The following CLASRP variants were observed in gnomAD, a reference collection of about 807,000 sequenced individuals.
CLASRP encodes the protein CLK4-associating serine/arginine rich protein.
Under a neutral mutation model 99.9 loss-of-function variants are expected in CLASRP, and 52 were observed. That is an observed-to-expected ratio of 0.52 (90% confidence interval 0.42 to 0.66). CLASRP has a LOEUF of 0.66. Among genes scored for constraint, CLASRP ranks in the 30% least tolerant of loss-of-function variants. The probability of loss-of-function intolerance (pLI) is 0.00; values close to 1 mark genes in which losing one functional copy is unlikely to be tolerated. For synonymous variants in CLASRP, 379 were observed against 373.0 expected (o/e 1.02, Z -0.18); for missense variants, 848 against 999.2 (o/e 0.85, Z 2.04).
chr19:45,069,963 C>A, intron 18 of CLASRP, 59 bp from the exon 19 acceptor site: 1 of 951,296 alleles, frequency 1.1e-6, no homozygotes, highest in Non-Finnish European at 1.7e-6. Flanking sequence ...AGCACCTGCC[C>A]TCCCTGAGTT....
chr19:45,064,501 C>G lies in CLASRP; in HGVS notation c.1280C>G (p.Ser427Cys). 3 of 1,536,816 alleles carry G rather than the reference C, an allele frequency of 2.0e-6. No individual in the cohort carries two copies. The highest frequency in any genetic ancestry group is 2.6e-6 in the Non-Finnish European group (3 of 1,145,984). The change falls in exon 13 of 21, where the codon TCC (serine) becomes TGC (cysteine). Residue 427 changes from serine (S) to cysteine (C), a missense_variant. Ser to Cys is a moderately radical substitution (Grantham distance 112). Around this residue, in one of 8 missense-constraint regions of CLASRP, gnomAD observed 489 missense variants for 434.7 expected, o/e 1.12. Transcript: ENST00000221455. ...SRSRSWSRSR[S>C]RSRRYSRSRS... Reference sequence around the variant, plus strand: ...TCCCGCTCCTGGTCCCGCTCCCGCTCCCGCTCCCGGCGCTATTCCCGGTCC... The same window carrying G: ...TCCCGCTCCTGGTCCCGCTCCCGCTGCCGCTCCCGGCGCTATTCCCGGTCC...
In CLASRP at chr19:45,070,552, C is replaced by T; in HGVS notation, c.1973C>T (p.Ser658Phe). Residue 658 changes from serine (S) to phenylalanine (F), a missense_variant, in exon 20 of 21, where the codon TCT (serine) becomes TTT (phenylalanine). By Grantham distance (155) the Ser-to-Phe change is radical. Around this residue, in one of 8 missense-constraint regions of CLASRP, gnomAD observed 116 missense variants for 162.7 expected, o/e 0.71. Coordinates refer to ENST00000221455, the MANE Select transcript of CLASRP (RefSeq NM_007056.3). ...TTCTTTCCAGGTCGAGAATACAGCT[C>T]TTCTCGAAGGTAAGGAAGCCCATGA... is the stretch of plus-strand genomic sequence containing the variant. ...PSPRYSREYS[S>F]SRRRSRSRSR... 9 of 1,613,752 alleles carry T rather than the reference C, an allele frequency of 5.6e-6. No individual in the cohort carries two copies. The highest frequency in any genetic ancestry group is 7.6e-6 in the Non-Finnish European group (9 of 1,179,698).
Position 45,067,107 on chromosome 19 carries a change from G to A in CLASRP, c.1410-230G>A, listed in dbSNP as rs1016339000. Reference sequence around the variant, plus strand: ...GTGACGTGGGCCAGGCAGGGCTCATGATGGCAGGACTGCCCTTAGGCTGAG... The same window carrying A: ...GTGACGTGGGCCAGGCAGGGCTCATAATGGCAGGACTGCCCTTAGGCTGAG... On this transcript the variant is annotated intron_variant, in intron 13 of 20. Coordinates refer to ENST00000221455, the MANE Select transcript of CLASRP (RefSeq NM_007056.3). The surrounding 1 kb of genome is among the most constrained non-coding windows in gnomAD (Gnocchi z 4.9). Among the ~76,000 whole-genome samples the A allele has an allele frequency of 2.0e-5, 3 of 152,238 alleles. No individual in the cohort carries two copies. The highest frequency in any genetic ancestry group is 7.2e-5 in the African/African-American group (3 of 41,460).
chr19:45,064,320 G>A (rs770050005), intron 12 of CLASRP, 23 bp from the exon 13 acceptor site: 6 of 1,516,158 alleles, frequency 4.0e-6, no homozygotes, highest in African/African-American at 2.8e-5. Flanking sequence ...TGCGCTGACC[G>A]GCCCTCCGTG....
At chr19:45,057,330 C>G (rs577319067) in intron 6 of CLASRP, among the ~76,000 whole-genome samples, 93 of 152,320 alleles carry the variant, frequency 6.1e-4, no homozygotes, top group African/African-American at 2.1e-3. Flanking sequence ...TTCTTGGAGA[C>G]TTCAGCCCTC....
Position 45,067,106 on chromosome 19 carries a change from T to C in CLASRP, c.1410-231T>C, listed in dbSNP as rs1277179863. ...GGTGACGTGGGCCAGGCAGGGCTCA[T>C]GATGGCAGGACTGCCCTTAGGCTGA... On this transcript the variant is annotated intron_variant, in intron 13 of 20. Transcript: ENST00000221455. This position sits in a 1 kb window ranked among gnomAD's most constrained non-coding sequence, Gnocchi z 4.9. Among the ~76,000 whole-genome samples the C allele has an allele frequency of 6.6e-6, 1 of 152,142 alleles. No individual in the cohort carries two copies. The highest frequency in any genetic ancestry group is 2.4e-5 in the African/African-American group (1 of 41,434).
intron 1 of CLASRP, chr19:45,039,886 G>A (rs944838883): frequency 3.4e-5 from 8 of 235,412 alleles, no homozygotes; most frequent in African/African-American, 1.6e-4. Context: ...AAACACTGCT[G>A]ATGTTTCAAA....
At position 45,064,347 on chromosome 19, in the gene CLASRP, C is replaced by A; in HGVS notation, c.1126C>A (p.Arg376Ser). The A allele has an allele frequency of 2.0e-6, 3 of 1,528,810 alleles. No individual in the cohort carries two copies. The highest frequency in any genetic ancestry group is 2.6e-6 in the Non-Finnish European group (3 of 1,142,112). The allele number at this position is 1,528,810 out of a possible 1,614,324, so 94.7% of individuals were successfully genotyped here. A position where few individuals can be genotyped will look rare whatever the true frequency, so the allele number is the denominator to read the frequency against. The change falls in exon 13 of 21, where the codon CGC (arginine) becomes AGC (serine). Residue 376 changes from arginine (R) to serine (S), a missense_variant. Coordinates refer to ENST00000221455, the MANE Select transcript of CLASRP (RefSeq NM_007056.3). ...CCCTCCGTGCCCCGCCTGCAGCCGC[C>A]GCTCCTCCTCCTCCTCCTCCTCCTC... ...APGRNASARRRSSSSSSSSSA... is the reference protein window; with the variant it reads ...APGRNASARRSSSSSSSSSSA...
chr19:45,062,326 G>C (rs1264245190), intron 11 of CLASRP, 131 bp downstream of exon 11: 1 of 634,768 alleles, frequency 1.6e-6, no homozygotes, highest in African/African-American at 1.8e-5. Flanking sequence ...ATATGTTCTG[G>C]GTCTGAATCA....
At chr19:45,053,771 G>T (rs983494302) in intron 5 of CLASRP, among the ~76,000 whole-genome samples, 1 of 152,082 alleles carries the variant, frequency 6.6e-6, no homozygotes, top group East Asian at 1.9e-4. Flanking sequence ...GAGCCACCAC[G>T]CCCAGCCAAG....
chr19:45,070,942 A>G lies in CLASRP; in HGVS notation c.*97A>G, dbSNP rs952314576. ...CTCTAGTGAAATAAAGTCAAAAGTT[A>G]TTTAATTCCCGTCACCTGTCTCAGT... On this transcript the variant is annotated 3_prime_UTR_variant, in exon 21 of 21. Coordinates refer to ENST00000221455, the MANE Select transcript of CLASRP (RefSeq NM_007056.3). The G allele has an allele frequency of 2.5e-6, 2 of 789,080 alleles. No homozygotes were observed. The highest frequency in any genetic ancestry group is 4.1e-6 in the Non-Finnish European group (2 of 486,782). The allele number at this position is 789,080 out of a possible 1,614,324, so 48.9% of individuals were successfully genotyped here.
Position 45,064,005 on chromosome 19 carries a change from C to T in CLASRP, c.906-7C>T, listed in dbSNP as rs1367196271. 2 of 1,604,472 alleles carry T rather than the reference C, an allele frequency of 1.2e-6. No homozygotes were observed. The highest frequency in any genetic ancestry group is 4.5e-5 in the East Asian group (2 of 44,522). ...GAGCTAGTGAGCCTCCTCCTCCCTA[C>T]CCGCAGGTCACCCTCGGAGTCCAGC... On this transcript the variant is annotated splice_polypyrimidine_tract_variant and splice_region_variant and intron_variant, in intron 11 of 20. Transcript: ENST00000221455.
intron 2 of CLASRP, chr19:45,040,529 C>T (rs1560725): frequency 0.49 from 208,199 of 423,822 alleles, 52,643 homozygotes; most frequent in Non-Finnish European, 0.55. Flanking sequence ...CTCCCAGTGC[C>T]GATCCGGTGT....
In CLASRP at chr19:45,068,371, A is replaced by G. The variant is rs374461800; in HGVS notation, c.1708-49A>G. On this transcript the variant is annotated intron_variant, in intron 15 of 20. Coordinates refer to ENST00000221455, the MANE Select transcript of CLASRP (RefSeq NM_007056.3). ...GCTTTTGGCTGAGGTGGGTTGTGGGAGCTCTGGGACACCCACCCCCTCTCC... is the reference window on the plus strand; with the variant it reads ...GCTTTTGGCTGAGGTGGGTTGTGGGGGCTCTGGGACACCCACCCCCTCTCC... 5.4e-4 allele frequency: 279 copies of G among 515,512 alleles called. No homozygotes were observed. The African/African-American group carries it at 6.1e-3, about 11-fold the overall frequency. The allele number at this position is 515,512 out of a possible 1,614,324, so 31.9% of individuals were successfully genotyped here. A position where few individuals can be genotyped will look rare whatever the true frequency, so the allele number is the denominator to read the frequency against.
intron 7 of CLASRP, among the ~76,000 whole-genome samples, chr19:45,058,593 G>A (rs1972166304): frequency 6.6e-6 from 1 of 151,904 alleles, no homozygotes; most frequent in African/African-American, 2.4e-5. Flanking sequence ...CACCATATTG[G>A]TCAGGCTGGT....
At chr19:45,054,079 C>G (rs1364740050) in intron 5 of CLASRP, among the ~76,000 whole-genome samples, 2 of 152,236 alleles carry the variant, frequency 1.3e-5, no homozygotes, top group Non-Finnish European at 2.9e-5. Context: ...CCCAGCCCAG[C>G]CTTATCACCA....
At chr19:45,043,814 C>T (rs1157745656) in intron 2 of CLASRP, among the ~76,000 whole-genome samples, 1 of 152,100 alleles carries the variant, frequency 6.6e-6, no homozygotes, top group Admixed American at 6.5e-5. Context: ...AAGGCAAGGC[C>T]TGGGTCTCTG....
rs1259647886 is a variant in CLASRP, at chr19:45,067,391, C to T, written c.1464C>T (p.His488=). ...GGCGGGGCGGCCGGGGCCTCAGGCA[C>T]CACAGCAGTAGCCGCAGCCGCAGCA... ...RYRRGGRGLR[H]HSSSRSRSSW... Residue 488 remains histidine (H), a synonymous_variant, in exon 14 of 21, where the codon CAC becomes CAT. Coordinates refer to ENST00000221455, the MANE Select transcript of CLASRP (RefSeq NM_007056.3). The surrounding 1 kb of genome is among the most constrained non-coding windows in gnomAD (Gnocchi z 4.9). 1.3e-6 allele frequency: 2 copies of T among 1,534,662 alleles called. No homozygotes were observed. The highest frequency in any genetic ancestry group is 2.4e-5 in the East Asian group (1 of 40,886).
rs139288411 is a variant in CLASRP at position 45,059,258 on chromosome 19, C to T, written c.614-10C>T. 16,871 of 1,606,278 alleles carry T rather than the reference C, an allele frequency of 0.011. 121 individuals carry two copies. The highest frequency in any genetic ancestry group is 0.013 in the Non-Finnish European group (15,399 of 1,176,062). On this transcript the variant is annotated splice_polypyrimidine_tract_variant and intron_variant, in intron 7 of 20. Coordinates refer to ENST00000221455, the MANE Select transcript of CLASRP (RefSeq NM_007056.3). Reference sequence around the variant, plus strand: ...GGCCGTGGCTCCTGACAGCCTTTCTCTTGGTGCAGACGTGGAGGTGGACGT... The same window carrying T: ...GGCCGTGGCTCCTGACAGCCTTTCTTTTGGTGCAGACGTGGAGGTGGACGT...
Sources: gnomAD v4.1 joint callset for allele counts (sites outside exome capture counted in the v4.1 genomes callset) on GRCh38, gnomAD v4.1.1 for gene constraint, gnomAD v4.1.1 regional missense constraint, Gnocchi (gnomAD v3.1) non-coding constraint, MANE v1.5 for transcripts, NCBI Gene and HGNC (gene_info 2026-07-23, HGNC 2026-07-21) for gene names.